The following FREM2 variants were observed in gnomAD, a reference collection of about 807,000 sequenced individuals.
FREM2 encodes FRAS1-related extracellular matrix protein 2.
FREM2 carries 119 observed loss-of-function variants against 219.9 expected under a neutral mutation model. The ratio of observed to expected loss-of-function variants is 0.54; its 90% confidence interval spans 0.47 to 0.63. The LOEUF (loss-of-function observed/expected upper bound fraction) is 0.63. FREM2 is among the 30% of genes least tolerant of loss of function. The pLI, the probability that FREM2 is intolerant of heterozygous loss-of-function variation, is 0.00. For synonymous variants in FREM2, 1,562 were observed against 1,522.8 expected (o/e 1.03, Z -0.60); for missense variants, 4,030 against 3,993.6 (o/e 1.01, Z -0.25).
intron 2 of FREM2, among the ~76,000 whole-genome samples, chr13:38,704,282 A>T (rs1233072551): frequency 1.3e-5 from 2 of 152,216 alleles, no homozygotes; most frequent in Non-Finnish European, 2.9e-5. Flanking sequence ...TGAATATTAC[A>T]GTCATGATCT....
chr13:38,765,964 C>A (rs559963444), intron 3 of FREM2, among the ~76,000 whole-genome samples: 1 of 152,188 alleles, frequency 6.6e-6, no homozygotes. Flanking sequence ...CACATCCTGT[C>A]TTATCATCAG....
At chr13:38,877,356 GAATGT>G in intron 21 of FREM2, 113 bp downstream of exon 21, 1 of 1,183,814 alleles carries the variant, frequency 8.4e-7, no homozygotes, top group Non-Finnish European at 1.3e-6. Context: ...ATGGTTTTGA[GAATGT>G]AACTGGGTCT....
intron 2 of FREM2, among the ~76,000 whole-genome samples, chr13:38,759,008 G>T (rs984325283): frequency 6.6e-6 from 1 of 152,118 alleles, no homozygotes; most frequent in Non-Finnish European, 1.5e-5. Context: ...CCTCCAGCCT[G>T]GTCAGCAGAG....
intron 6 of FREM2, among the ~76,000 whole-genome samples, chr13:38,826,739 A>G (rs1388843667): frequency 6.6e-6 from 1 of 152,168 alleles, no homozygotes; most frequent in Non-Finnish European, 1.5e-5. Context: ...CTCATGTCAC[A>G]GTCTCTGTTG....
rs79541732 is a variant in FREM2 at position 38,822,657 on chromosome 13, T to TA, written c.6020-23915dup. The stretch of plus-strand genomic sequence containing the variant: ...GGGATCGCTATCCTCCCAACAAACC[T>TA]AGCATGCATGTTTTCTGTGATGTTG... On this transcript the variant is annotated intron_variant, in intron 6 of 23. Transcript: ENST00000280481. Among the ~76,000 whole-genome samples the TA allele has an allele frequency of 1.5e-3, 223 of 152,218 alleles. 4 individuals are homozygous for TA. The East Asian group carries it at 0.035, about 24-fold the overall frequency.
At chr13:38,793,688 G>A (rs1408326116) in intron 6 of FREM2, among the ~76,000 whole-genome samples, 1 of 152,200 alleles carries the variant, frequency 6.6e-6, no homozygotes, top group Non-Finnish European at 1.5e-5. Flanking sequence ...GCAATGCAAA[G>A]AAAAGATTGA....
At chr13:38,760,760 TC>T (rs1873196108) in intron 2 of FREM2, among the ~76,000 whole-genome samples, 1 of 152,184 alleles carries the variant, frequency 6.6e-6, no homozygotes, top group African/African-American at 2.4e-5. Flanking sequence ...TAGATGTTTT[TC>T]TAACAATAAG....
intron 14 of FREM2, among the ~76,000 whole-genome samples, chr13:38,861,044 C>T (rs142513244): frequency 1.6e-4 from 24 of 152,212 alleles, no homozygotes; most frequent in African/African-American, 5.3e-4. Flanking sequence ...ATAACATTTA[C>T]TTGGTTTAAC....
Position 38,878,979 on chromosome 13 carries a change from T to TGTTG in FREM2, c.9006+2_9006+3insGTTG. On this transcript the variant is annotated splice_region_variant and intron_variant, in intron 23 of 23. Coordinates refer to ENST00000280481, the MANE Select transcript of FREM2 (RefSeq NM_207361.6). ...GTCGACTCAACACCACTCTTTCAGGTAGGCCAAAAACAAGCTCATTTGTAG... is the reference window on the plus strand; with the variant it reads ...GTCGACTCAACACCACTCTTTCAGGTGTTGAGGCCAAAAACAAGCTCATTTGTAG... 6.2e-7 allele frequency: 1 copy of TGTTG among 1,614,126 alleles called. No individual in the cohort carries two copies.
intron 20 of FREM2, among the ~76,000 whole-genome samples, chr13:38,876,606 A>G (rs1381417314): frequency 6.6e-6 from 1 of 152,194 alleles, no homozygotes; most frequent in Non-Finnish European, 1.5e-5. Flanking sequence ...AAATGTATGC[A>G]ATGGTTATTT....
At chr13:38,840,345 G>T (rs114342238) in intron 6 of FREM2, among the ~76,000 whole-genome samples, 5 of 151,302 alleles carry the variant, frequency 3.3e-5, no homozygotes, top group Non-Finnish European at 4.4e-5. Context: ...TGCAGAAATC[G>T]CCTGCCTTCT....
chr13:38,880,650 A>C lies in FREM2; in HGVS notation c.9373A>C (p.Ile3125Leu), dbSNP rs747197325. 6.2e-7 allele frequency: 1 copy of C among 1,614,178 alleles called. No homozygotes were observed. Among genetic ancestry groups the C allele is most frequent in the Non-Finnish European group, 8.5e-7 (1 of 1,180,024 alleles). ...AGGCACCACGGTAGGGTTACTCACC[A>C]TCTGCCTCACTGTCATTGCAGTGCT... ...VGGTTVGLLT[I>L]CLTVIAVLMC... Residue 3125 changes from isoleucine to leucine, a missense_variant, in exon 24 of 24, where the codon ATC becomes CTC. By Grantham distance (5) the Ile-to-Leu change is conservative. Coordinates refer to ENST00000280481, the MANE Select transcript of FREM2 (RefSeq NM_207361.6).
chr13:38,790,821 A>T (rs539689616), intron 6 of FREM2, among the ~76,000 whole-genome samples: 2 of 152,332 alleles, frequency 1.3e-5, no homozygotes, highest in Non-Finnish European at 2.9e-5. Flanking sequence ...TTTAATTATT[A>T]TGCAAATCCC....
intron 2 of FREM2, among the ~76,000 whole-genome samples, chr13:38,716,342 T>A (rs939717427): frequency 2.0e-5 from 3 of 152,168 alleles, no homozygotes; most frequent in Non-Finnish European, 2.9e-5. Context: ...AAAATTCGAA[T>A]CAGCCTGCAT....
Position 38,804,573 on chromosome 13 carries a change from A to G in FREM2, c.6019+19765A>G, listed in dbSNP as rs906426172. Among the ~76,000 whole-genome samples the G allele has an allele frequency of 2.0e-5, 3 of 152,298 alleles. No individual in the cohort carries two copies. In the South Asian group the frequency reaches 6.2e-4, roughly 32 times the overall value. On this transcript the variant is annotated intron_variant, in intron 6 of 23. Transcript: ENST00000280481. ...GTTTGAAAGGAAAAGCTAAGTATGT[A>G]AAAAGCTAAACAAGAATAATTTATT... is the stretch of plus-strand genomic sequence containing the variant.
intron 6 of FREM2, among the ~76,000 whole-genome samples, chr13:38,825,475 C>T (rs537001983): frequency 8.5e-5 from 13 of 152,048 alleles, no homozygotes; most frequent in African/African-American, 3.1e-4. Flanking sequence ...GAATATCAAA[C>T]ATCTAAGAAC....
chr13:38,756,631 G>T (rs377030973), intron 2 of FREM2, among the ~76,000 whole-genome samples: 3 of 149,090 alleles, frequency 2.0e-5, no homozygotes, highest in African/African-American at 7.4e-5. Flanking sequence ...AGGTTCAAGC[G>T]ATTCTCGTGT....
At chr13:38,711,901 G>T (rs1469895089) in intron 2 of FREM2, among the ~76,000 whole-genome samples, 1 of 151,282 alleles carries the variant, frequency 6.6e-6, no homozygotes, top group Non-Finnish European at 1.5e-5. Context: ...GGGTCTCTGG[G>T]GCTGATAATT....
chr13:38,841,296 T>C (rs1012151733), intron 6 of FREM2, among the ~76,000 whole-genome samples: 3 of 152,168 alleles, frequency 2.0e-5, no homozygotes, highest in African/African-American at 7.2e-5. Flanking sequence ...CCTGTCAAGA[T>C]TTTTAAAAAC....
Sources: gnomAD v4.1 joint callset for allele counts (sites outside exome capture counted in the v4.1 genomes callset) on GRCh38, gnomAD v4.1.1 for gene constraint, MANE v1.5 for transcripts, NCBI Gene and HGNC (gene_info 2026-07-23, HGNC 2026-07-21) for gene names.